PIK3C2G: variants seen among roughly 807,000 people sequenced by gnomAD.
The protein encoded by PIK3C2G is phosphatidylinositol-4-phosphate 3-kinase catalytic subunit type 2 gamma, also known as phosphatidylinositol 3-kinase C2 domain-containing subunit gamma.
In PIK3C2G, 168 loss-of-function variants were observed where a neutral mutation model predicts 181.1. The observed-to-expected ratio is 0.93, with a 90% CI of 0.82 to 1.05. PIK3C2G has a LOEUF of 1.05. Ranked by LOEUF, PIK3C2G falls within the 50% of genes least tolerant of loss-of-function variation. The pLI is 0.00. For missense variants in PIK3C2G, 1,869 were observed against 1,732.8 expected (o/e 1.08, Z -1.40); for synonymous variants, 573 against 592.2 (o/e 0.97, Z 0.47).
chr12:18,297,584 T>C (rs1456511503), intron 5 of PIK3C2G, among the ~76,000 whole-genome samples: 2 of 151,996 alleles, frequency 1.3e-5, no homozygotes, highest in African/African-American at 4.8e-5. Flanking sequence ...CAATAAATTG[T>C]TGTTAACTGT....
chr12:18,438,786 C>T (rs926805867), intron 18 of PIK3C2G, among the ~76,000 whole-genome samples: 5 of 151,830 alleles, frequency 3.3e-5, no homozygotes, highest in Admixed American at 3.3e-4. Flanking sequence ...CAGGCCTCTC[C>T]TAAGCTGGGT....
chr12:18,372,283 T>C (rs1942121669), intron 13 of PIK3C2G, among the ~76,000 whole-genome samples: 1 of 152,056 alleles, frequency 6.6e-6, no homozygotes, highest in Non-Finnish European at 1.5e-5. Context: ...CCATTGTTCC[T>C]TGAGGACAGG....
intron 15 of PIK3C2G, among the ~76,000 whole-genome samples, chr12:18,393,672 C>G (rs1405221904): frequency 6.6e-6 from 1 of 152,018 alleles, no homozygotes; most frequent in African/African-American, 2.4e-5. Flanking sequence ...AGACTAACCC[C>G]CATGACTGAC....
Position 18,450,863 on chromosome 12 carries a change from G to A in PIK3C2G, c.2504+26824G>A, listed in dbSNP as rs533954805. Among the ~76,000 whole-genome samples the A allele has an allele frequency of 1.1e-3, 164 of 152,178 alleles. 2 individuals are homozygous for A. Among genetic ancestry groups the A allele is most frequent in the Non-Finnish European group, 7.6e-4 (52 of 67,998 alleles). ...TTTCACCATTGCTTGTTTTTGTCAGGTTTGTCAAAGATCAGATGGTAGTAG... is the reference window on the plus strand; with the variant it reads ...TTTCACCATTGCTTGTTTTTGTCAGATTTGTCAAAGATCAGATGGTAGTAG... On this transcript the variant is annotated intron_variant, in intron 18 of 32. Transcript: ENST00000538779.
the PIK3C2G span, among the ~76,000 whole-genome samples, chr12:18,688,443 T>G: frequency 6.6e-6 from 1 of 152,036 alleles, no homozygotes; most frequent in Non-Finnish European, 1.5e-5. Context: ...AAATCCACAA[T>G]GTCCACAATT....
At chr12:18,583,518 G>A (rs1232481946) in intron 29 of PIK3C2G, among the ~76,000 whole-genome samples, 2 of 152,110 alleles carry the variant, frequency 1.3e-5, no homozygotes, top group African/African-American at 4.8e-5. Context: ...CACCTCTGCT[G>A]TTTTGCAGCC....
At chr12:18,287,878 T>A (rs556631679) in intron 3 of PIK3C2G, among the ~76,000 whole-genome samples, 1 of 143,444 alleles carries the variant, frequency 7.0e-6, no homozygotes, top group South Asian at 2.2e-4. Flanking sequence ...AAAAAAAAAA[T>A]AGGCTGGGCA....
chr12:18,725,266 T>C, the PIK3C2G span, among the ~76,000 whole-genome samples: 4 of 152,002 alleles, frequency 2.6e-5, no homozygotes, highest in Non-Finnish European at 4.4e-5. Context: ...CAGGACGTGG[T>C]AGCATCATGA....
chr12:18,599,445 C>T (rs1399879458), intron 30 of PIK3C2G, among the ~76,000 whole-genome samples: 5 of 148,346 alleles, frequency 3.4e-5, no homozygotes, highest in African/African-American at 1.2e-4. Context: ...GGGAATTGAA[C>T]AATGAGAACA....
intron 32 of PIK3C2G, among the ~76,000 whole-genome samples, chr12:18,644,536 A>C (rs767758409): frequency 2.6e-5 from 4 of 152,214 alleles, no homozygotes; most frequent in Non-Finnish European, 5.9e-5. Context: ...TGCATTTTAC[A>C]TCCCTTAAAA....
chr12:18,700,512 CAAAAA>C, the PIK3C2G span, among the ~76,000 whole-genome samples: 84 of 67,902 alleles, frequency 1.2e-3, no homozygotes, highest in Admixed American at 2.8e-3. Context: ...AGCCAACGTA[CAAAAA>C]AAAAAAAAAA....
rs1214508828 is a variant in PIK3C2G, at chr12:18,571,253, C to T, written c.4011+4196C>T. Among the ~76,000 whole-genome samples, 3 of 150,606 alleles carry T rather than the reference C, an allele frequency of 2.0e-5. 1 individual carries two copies. The highest frequency in any genetic ancestry group is 5.0e-5 in the African/African-American group (2 of 40,294). ...TCTAGATTAAGTATGTCAGAGAATACACCTATAGTTTCAATTTTTTCTAAA... is the reference window on the plus strand; with the variant it reads ...TCTAGATTAAGTATGTCAGAGAATATACCTATAGTTTCAATTTTTTCTAAA... On this transcript the variant is annotated intron_variant, in intron 29 of 32. Coordinates refer to ENST00000538779, the MANE Select transcript of PIK3C2G (RefSeq NM_001288772.2).
chr12:18,347,429 T>G (rs1019263397), intron 11 of PIK3C2G, among the ~76,000 whole-genome samples: 4 of 152,202 alleles, frequency 2.6e-5, no homozygotes, highest in Non-Finnish European at 5.9e-5. Context: ...TAATTAAAGT[T>G]GATAAGATAG....
chr12:18,357,717 G>A (rs1238961353), intron 11 of PIK3C2G, among the ~76,000 whole-genome samples: 1 of 152,166 alleles, frequency 6.6e-6, no homozygotes, highest in African/African-American at 2.4e-5. Context: ...TTAACTACAT[G>A]TGCATTGTTG....
chr12:18,703,584 A>T, the PIK3C2G span, among the ~76,000 whole-genome samples: 1 of 152,192 alleles, frequency 6.6e-6, no homozygotes, highest in African/African-American at 2.4e-5. Context: ...CCTTGTGATT[A>T]CCTCTTTACA....
At chr12:18,508,729 G>A (rs1044412619) in intron 24 of PIK3C2G, among the ~76,000 whole-genome samples, 16 of 151,974 alleles carry the variant, frequency 1.1e-4, no homozygotes, top group Non-Finnish European at 1.9e-4. Flanking sequence ...CAAGCTTAGC[G>A]TTCCAGTAAT....
chr12:18,612,559 T>C (rs1387422877), intron 31 of PIK3C2G, among the ~76,000 whole-genome samples: 1 of 152,136 alleles, frequency 6.6e-6, no homozygotes, highest in African/African-American at 2.4e-5. Context: ...AGTTATGCAT[T>C]GCATTTTCCA....
At chr12:18,297,470 T>A (rs896481537) in intron 5 of PIK3C2G, among the ~76,000 whole-genome samples, 2 of 152,098 alleles carry the variant, frequency 1.3e-5, no homozygotes, top group Admixed American at 6.6e-5. Context: ...ATAGAATGTA[T>A]AATGATCAAG....
chr12:18,552,670 C>T (rs1355192553), intron 26 of PIK3C2G, among the ~76,000 whole-genome samples: 1 of 152,044 alleles, frequency 6.6e-6, no homozygotes, highest in South Asian at 2.1e-4. Flanking sequence ...TAATAACAAA[C>T]CTGAACTAAA....
Sources: allele counts gnomAD v4.1 joint callset (sites outside exome capture counted in the v4.1 genomes callset), GRCh38; gene constraint gnomAD v4.1.1; transcripts MANE v1.5; gene names NCBI Gene and HGNC (gene_info 2026-07-23, HGNC 2026-07-21).